The following ZNF688 variants were observed in gnomAD, a reference collection of about 807,000 sequenced individuals.
ZNF688 encodes the protein zinc finger protein 688.
In ZNF688, 10 loss-of-function variants were observed where a neutral mutation model predicts 13.2. That is an observed-to-expected ratio of 0.76 (90% CI 0.47 to 1.28). The LOEUF is 1.28. ZNF688 is among the 50% of genes most tolerant of loss of function. The pLI, the probability that ZNF688 is intolerant of heterozygous loss-of-function variation, is 0.00. For synonymous variants in ZNF688, 160 were observed against 159.4 expected (o/e 1.00, Z -0.03); for missense variants, 381 against 391.4 (o/e 0.97, Z 0.22).
Position 30,570,174 on chromosome 16 carries a change from G to A in ZNF688, c.573C>T (p.Arg191=). The A allele has an allele frequency of 6.2e-7, 1 of 1,610,432 alleles. No individual in the cohort carries two copies. The highest frequency in any genetic ancestry group is 8.5e-7 in the Non-Finnish European group (1 of 1,178,302). The stretch of plus-strand genomic sequence containing the variant: ...TGACCAGCAGTGAGGGGTAGGTGAA[G>A]CGGCGGCCGCAGTCCGTGCACACGT... ...RRHVCTDCGR[R]FTYPSLLVSH... Residue 191 remains arginine, a synonymous_variant, in exon 3 of 3, where the codon CGC becomes CGT. Transcript: ENST00000223459.
chr16:30,576,211 C>T (rs1412857102), upstream of ZNF688, among the ~76,000 whole-genome samples: 1 of 151,766 alleles, frequency 6.6e-6, no homozygotes, highest in Non-Finnish European at 1.5e-5. Flanking sequence ...CCATGCCCAG[C>T]TAATTTTTTT....
intron 2 of ZNF688, 43 bp from the exon 3 acceptor site, chr16:30,570,479 C>A: frequency 6.4e-7 from 1 of 1,574,388 alleles, no homozygotes. Flanking sequence ...CACTTTTGCA[C>A]AGACTGTCTC....
At chr16:30,577,610 G>A (rs990249200), upstream of ZNF688, among the ~76,000 whole-genome samples, 9 of 151,336 alleles carry the variant, frequency 5.9e-5, no homozygotes, top group South Asian at 8.3e-4. Flanking sequence ...TCCTGACCTC[G>A]TGATCCGCCT....
rs775256598 is a variant in ZNF688, at chr16:30,570,341, C to G, written c.406G>C (p.Val136Leu). The change falls in exon 3 of 3, where the codon GTG becomes CTG. Residue 136 changes from valine (V) to leucine (L), a missense_variant. Coordinates refer to ENST00000223459, the MANE Select transcript of ZNF688 (RefSeq NM_145271.4). ...ATAGCTGGGTCAGGGTTGCGTTCCA[C>G]CAGCACTTCAGGACTCTCCTTCACA... is the stretch of plus-strand genomic sequence containing the variant. ...APVKESPEVL[V>L]ERNPDPAISV... The G allele has an allele frequency of 1.9e-6, 3 of 1,614,112 alleles. No homozygotes were observed. Among genetic ancestry groups the G allele is most frequent in the South Asian group, 2.2e-5 (2 of 91,088 alleles).
upstream of ZNF688, among the ~76,000 whole-genome samples, chr16:30,576,791 C>G (rs534877965): frequency 4.7e-4 from 71 of 151,978 alleles, no homozygotes; most frequent in Admixed American, 4.5e-3. Flanking sequence ...ATTATTGAGA[C>G]AGGTTCTCAC....
chr16:30,570,991 A>C lies in ZNF688; in HGVS notation c.310+19T>G. 3 of 1,610,192 alleles carry C rather than the reference A, an allele frequency of 1.9e-6. No homozygotes were observed. Among genetic ancestry groups the C allele is most frequent in the African/African-American group, 1.3e-5 (1 of 74,864 alleles). The stretch of plus-strand genomic sequence containing the variant: ...AAGCCCTGGAAAACCAAGTGGGGGG[A>C]CCCGGGACTATCCCTCACCTCTCCG... On this transcript the variant is annotated intron_variant, in intron 2 of 2. Coordinates refer to ENST00000223459, the MANE Select transcript of ZNF688 (RefSeq NM_145271.4).
upstream of ZNF688, among the ~76,000 whole-genome samples, chr16:30,574,260 A>G (rs1443201460): frequency 6.6e-6 from 1 of 151,690 alleles, no homozygotes; most frequent in African/African-American, 2.4e-5. Flanking sequence ...AGAAAAAAAA[A>G]TTGGGCTGGG....
upstream of ZNF688, chr16:30,572,208 C>T: frequency 1.9e-6 from 3 of 1,605,190 alleles, no homozygotes; most frequent in Non-Finnish European, 2.6e-6. Flanking sequence ...ACTGGCGGGG[C>T]ATTTGAAGGG....
upstream of ZNF688, among the ~76,000 whole-genome samples, chr16:30,576,787 G>C (rs1597144015): frequency 6.6e-6 from 1 of 151,496 alleles, no homozygotes; most frequent in East Asian, 1.9e-4. Context: ...CATTATTATT[G>C]AGACAGGTTC....
At chr16:30,570,519 G>C in intron 2 of ZNF688, 83 bp from the exon 3 acceptor site, 1 of 1,495,720 alleles carries the variant, frequency 6.7e-7, no homozygotes, top group Non-Finnish European at 8.9e-7. Context: ...ACTTAAGGCA[G>C]TGAGGGAAGT....
chr16:30,570,931 A>T (rs2051667339), intron 2 of ZNF688, 79 bp downstream of exon 2: 1 of 1,418,660 alleles, frequency 7.0e-7, no homozygotes, highest in Non-Finnish European at 9.9e-7. Flanking sequence ...GGGATGCTGG[A>T]AGTGGGGGCC....
upstream of ZNF688, among the ~76,000 whole-genome samples, chr16:30,577,045 T>A (rs148888731): frequency 4.9e-3 from 742 of 151,986 alleles, 8 homozygotes; most frequent in African/African-American, 0.017. Flanking sequence ...GGATTACAGG[T>A]GTGGACCACC....
intron 1 of ZNF688, 58 bp downstream of exon 1, chr16:30,571,376 C>T (rs2051678785): frequency 1.3e-6 from 2 of 1,539,060 alleles, no homozygotes; most frequent in Non-Finnish European, 1.8e-6. Flanking sequence ...GGCCCTTCTA[C>T]ATCATCTCCC....
chr16:30,573,503 C>A (rs1187716240), upstream of ZNF688, among the ~76,000 whole-genome samples: 1 of 152,180 alleles, frequency 6.6e-6, no homozygotes, highest in Non-Finnish European at 1.5e-5. Context: ...AATATACCTG[C>A]AATCATACAG....
chr16:30,577,171 A>G (rs1434516498), upstream of ZNF688, among the ~76,000 whole-genome samples: 1 of 152,160 alleles, frequency 6.6e-6, no homozygotes, highest in Non-Finnish European at 1.5e-5. Context: ...CAAGTGATCT[A>G]TGCTCCCACT....
At chr16:30,570,909 T>C (rs915245599) in intron 2 of ZNF688, 101 bp downstream of exon 2, 1 of 1,267,652 alleles carries the variant, frequency 7.9e-7, no homozygotes, top group Non-Finnish European at 1.1e-6. Context: ...CCAACACAGT[T>C]GAATTTCTTT....
In ZNF688 at chr16:30,571,092, A is replaced by G. The variant is rs770075445; in HGVS notation, c.228T>C (p.Ser76=). 13 of 1,597,210 alleles carry G rather than the reference A, an allele frequency of 8.1e-6. No homozygotes were observed. In the Admixed American group the frequency reaches 2.2e-4, roughly 27 times the overall value. ...AAGCCTCACTCTCCTGTTCCATCCA[A>G]GAGATGAGGGCTGGTTTGGGGCCTG... The part of the protein sequence containing the change: ...GFPGPKPALI[S]WMEQESEAWS... The change falls in exon 2 of 3, where the codon TCT becomes TCC. Residue 76 remains serine (S), a synonymous_variant. Transcript: ENST00000223459.
chr16:30,570,263 T>C lies in ZNF688; in HGVS notation c.484A>G (p.Thr162Ala), dbSNP rs771164003. ...QPPKNAAWDP[T>A]TGAQPPAPIP... ...GGTGCCGGGGGCTGTGCTCCTGTGGTCGGGTCCCAGGCAGCATTTTTGGGT... is the reference window on the plus strand; with the variant it reads ...GGTGCCGGGGGCTGTGCTCCTGTGGCCGGGTCCCAGGCAGCATTTTTGGGT... The change falls in exon 3 of 3, where the codon ACC becomes GCC. Residue 162 changes from threonine (T) to alanine (A), a missense_variant. By Grantham distance (58) the Thr-to-Ala change is moderately conservative. Coordinates refer to ENST00000223459, the MANE Select transcript of ZNF688 (RefSeq NM_145271.4). The C allele has an allele frequency of 6.2e-7, 1 of 1,613,770 alleles. No homozygotes were observed. The highest frequency in any genetic ancestry group is 1.1e-5 in the South Asian group (1 of 91,068).
At chr16:30,571,739 G>A (rs2051690074), upstream of ZNF688, 1 of 1,338,818 alleles carries the variant, frequency 7.5e-7, no homozygotes, top group East Asian at 3.1e-5. Context: ...CCCAGCCGTG[G>A]CGTCCGAACG....
Sources: allele counts gnomAD v4.1 joint callset (sites outside exome capture counted in the v4.1 genomes callset), GRCh38; gene constraint gnomAD v4.1.1; transcripts MANE v1.5; gene names NCBI Gene and HGNC (gene_info 2026-07-23, HGNC 2026-07-21).